The following KDM5A variants were observed in gnomAD, a reference collection of about 807,000 sequenced individuals.
KDM5A encodes the protein lysine demethylase 5A.
A neutral mutation model predicts 193.5 loss-of-function variants in KDM5A; 42 were observed. The observed-to-expected ratio is 0.22, with a 90% CI of 0.17 to 0.28. The LOEUF is 0.28. KDM5A is among the 10% of genes least tolerant of loss of function. The pLI is 1.00. For synonymous variants in KDM5A, 796 were observed against 718.1 expected (o/e 1.11, Z -1.73); for missense variants, 1,692 against 2,055.1 (o/e 0.82, Z 3.42).
Position 318,371 on chromosome 12 carries a change from T to A in KDM5A, c.2632A>T (p.Ile878Leu). 1 of 1,614,186 alleles carries A rather than the reference T, an allele frequency of 6.2e-7. No individual in the cohort carries two copies. The highest frequency in any genetic ancestry group is 8.5e-7 in the Non-Finnish European group (1 of 1,180,012). ...TPDSSKLQMLIDMGSSLYVEL... is the reference protein window; with the variant it reads ...TPDSSKLQMLLDMGSSLYVEL... The stretch of plus-strand genomic sequence containing the variant: ...ACATAGAGACTAGAGCCCATATCTA[T>A]CAACATCTGGAGTTTGGAAGAATCT... The change falls in exon 19 of 28, where the codon ATA (isoleucine) becomes TTA (leucine). Residue 878 changes from isoleucine (I) to leucine (L), a missense_variant. By Grantham distance (5) the Ile-to-Leu change is conservative. Coordinates refer to ENST00000399788, the MANE Select transcript of KDM5A (RefSeq NM_001042603.3).
At chr12:358,018 T>C (rs1450238980) in intron 5 of KDM5A, among the ~76,000 whole-genome samples, 1 of 151,912 alleles carries the variant, frequency 6.6e-6, no homozygotes, top group Non-Finnish European at 1.5e-5. Context: ...CCTTCACCAA[T>C]CCTAGAGCTA....
Position 389,143 on chromosome 12 carries a change from G to A in KDM5A, c.-52C>T, listed in dbSNP as rs1249702587. 6.5e-7 allele frequency: 1 copy of A among 1,544,324 alleles called. No individual in the cohort carries two copies. The highest frequency in any genetic ancestry group is 2.3e-5 in the East Asian group (1 of 44,438). On this transcript the variant is annotated 5_prime_UTR_variant, in exon 1 of 28. Coordinates refer to ENST00000399788, the MANE Select transcript of KDM5A (RefSeq NM_001042603.3). Reference sequence around the variant, plus strand: ...CCCCGTGGGGAACCGGTGGAGAAAAGCTGGCTGAAGCCCACTAAGCCCGTT... The same window carrying A: ...CCCCGTGGGGAACCGGTGGAGAAAAACTGGCTGAAGCCCACTAAGCCCGTT...
chr12:379,174 T>TA (rs144447531), intron 3 of KDM5A, among the ~76,000 whole-genome samples: 42 of 147,654 alleles, frequency 2.8e-4, no homozygotes, highest in Admixed American at 4.7e-4. Flanking sequence ...AAATCATATA[T>TA]AAAAAAAAAA....
chr12:311,713 A>G (rs1591907386), intron 20 of KDM5A, among the ~76,000 whole-genome samples: 1 of 151,736 alleles, frequency 6.6e-6, no homozygotes, highest in Non-Finnish European at 1.5e-5. Flanking sequence ...AGGTCCCAGA[A>G]AAACTCAACA....
At position 307,645 on chromosome 12, in the gene KDM5A, G is replaced by T. The variant is rs955376716; in HGVS notation, c.3739C>A (p.Gln1247Lys). 12 of 1,614,082 alleles carry T rather than the reference G, an allele frequency of 7.4e-6. No homozygotes were observed. The African/African-American group carries it at 1.6e-4, about 22-fold the overall frequency. ...PVRLPEGEAL[Q>K]CLTERAMSWQ... Reference sequence around the variant, plus strand: ...CTCATAGCACGTTCTGTCAAACACTGCAGGGCCTCTCCTTCAGGCAACCGT... The same window carrying T: ...CTCATAGCACGTTCTGTCAAACACTTCAGGGCCTCTCCTTCAGGCAACCGT... Residue 1247 changes from glutamine (Q) to lysine (K), a missense_variant, in exon 23 of 28, where the codon CAG becomes AAG. Gln to Lys is a moderately conservative substitution (Grantham distance 53). Transcript: ENST00000399788. The surrounding 1 kb of genome is among the most constrained non-coding windows in gnomAD (Gnocchi z 4.3).
chr12:351,425 T>C (rs892336438), intron 9 of KDM5A, among the ~76,000 whole-genome samples: 2 of 152,174 alleles, frequency 1.3e-5, no homozygotes, highest in African/African-American at 4.8e-5. Flanking sequence ...TTCCATGGTA[T>C]ATATGTGCCA....
chr12:333,228 G>C, intron 12 of KDM5A: 2 of 481,806 alleles, frequency 4.2e-6, no homozygotes, highest in Non-Finnish European at 3.8e-6. Context: ...AGACCAACCT[G>C]GGCAACACAA....
chr12:318,312 C>T lies in KDM5A; in HGVS notation c.2691G>A (p.Glu897=), dbSNP rs765746979. The T allele has an allele frequency of 6.8e-6, 11 of 1,614,052 alleles. No individual in the cohort carries two copies. The African/African-American group carries it at 1.5e-4, about 22-fold the overall frequency. The stretch of plus-strand genomic sequence containing the variant: ...CGTCCAACCACCGAGCCTGTTGTAG[C>T]TCTTGCTTCAGTCGTGGTAATTCAG... ...ELPELPRLKQ[E]LQQARWLDEV... The change falls in exon 19 of 28, where the codon GAG becomes GAA. Residue 897 remains glutamate, a synonymous_variant. Coordinates refer to ENST00000399788, the MANE Select transcript of KDM5A (RefSeq NM_001042603.3).
chr12:330,673 C>G (rs1359975297), intron 13 of KDM5A, among the ~76,000 whole-genome samples: 3 of 152,216 alleles, frequency 2.0e-5, no homozygotes, highest in African/African-American at 7.2e-5. Context: ...TAAGCCTAGT[C>G]TTGTTCTTGC....
At chr12:342,494 C>T (rs1429564268) in intron 10 of KDM5A, among the ~76,000 whole-genome samples, 1 of 151,966 alleles carries the variant, frequency 6.6e-6, no homozygotes, top group African/African-American at 2.4e-5. Context: ...GAGTCTTGCT[C>T]TGTCGCCCAG....
At chr12:313,535 T>C (rs1943615289) in intron 19 of KDM5A, among the ~76,000 whole-genome samples, 1 of 152,204 alleles carries the variant, frequency 6.6e-6, no homozygotes, top group African/African-American at 2.4e-5. Context: ...CATGATCCTT[T>C]CACTATACTA....
chr12:349,748 C>A (rs1338713802), intron 10 of KDM5A, among the ~76,000 whole-genome samples: 2 of 150,408 alleles, frequency 1.3e-5, no homozygotes, highest in African/African-American at 2.5e-5. Flanking sequence ...TTCTGTCACT[C>A]CTGGCTTCAG....
chr12:375,015 C>T (rs1052459852), intron 3 of KDM5A, among the ~76,000 whole-genome samples: 3 of 152,048 alleles, frequency 2.0e-5, no homozygotes, highest in Admixed American at 6.6e-5. Flanking sequence ...AACATTTTTT[C>T]CTTCATTTCA....
At chr12:305,213 T>C (rs1185021180) in intron 24 of KDM5A, among the ~76,000 whole-genome samples, 1 of 152,054 alleles carries the variant, frequency 6.6e-6, no homozygotes, top group Non-Finnish European at 1.5e-5. Flanking sequence ...GCAACAAAAC[T>C]TGGCCATCTG....
chr12:313,317 G>C lies in KDM5A; in HGVS notation c.2898-123C>G, dbSNP rs1329308724. 4.6e-6 allele frequency: 5 copies of C among 1,087,816 alleles called. No homozygotes were observed. In the Admixed American group the frequency reaches 5.8e-5, roughly 13 times the overall value. The allele number at this position is 1,087,816 out of a possible 1,614,324, so 67.4% of individuals were successfully genotyped here. A position where few individuals can be genotyped will look rare whatever the true frequency, so the allele number is the denominator to read the frequency against. ...GAATTCTTACCACAATCCTATAAGG[G>C]AGGCAAAGCAGCTAGTATCTTTCTT... is the stretch of plus-strand genomic sequence containing the variant. On this transcript the variant is annotated intron_variant, in intron 19 of 27. Transcript: ENST00000399788.
chr12:307,607 T>C lies in KDM5A; in HGVS notation c.3777A>G (p.Arg1259=). The change falls in exon 23 of 28, where the codon AGA becomes AGG. Residue 1259 remains arginine, a synonymous_variant. Transcript: ENST00000399788. The surrounding 1 kb of genome is among the most constrained non-coding windows in gnomAD (Gnocchi z 4.3). ...LTERAMSWQD[R]ARQALATDEL... is the part of the protein sequence containing the mutation. ...CATCTGTGGCTAGAGCCTGCCGCGC[T>C]CTATCTTGCCAACTCATAGCACGTT... The C allele has an allele frequency of 6.2e-7, 1 of 1,614,132 alleles. No individual in the cohort carries two copies. Among genetic ancestry groups the C allele is most frequent in the African/African-American group, 1.3e-5 (1 of 75,016 alleles).
chr12:294,231 T>C (rs1335326032), intron 26 of KDM5A, among the ~76,000 whole-genome samples: 1 of 152,206 alleles, frequency 6.6e-6, no homozygotes, highest in Non-Finnish European at 1.5e-5. Context: ...TTGTTGCTAG[T>C]ATGTGCCAAT....
chr12:284,268 CTA>C lies in KDM5A; in HGVS notation c.*1186_*1187del, dbSNP rs1943190863. Reference sequence around the variant, plus strand: ...TGTATATTAAAAAAGGAAAAATAATCTATGTATAGAACAGTCAGTAGTCAGAG... The same window carrying C: ...TGTATATTAAAAAAGGAAAAATAATCTGTATAGAACAGTCAGTAGTCAGAG... On this transcript the variant is annotated 3_prime_UTR_variant, in exon 28 of 28. Coordinates refer to ENST00000399788, the MANE Select transcript of KDM5A (RefSeq NM_001042603.3). 2.2e-5 allele frequency: 5 copies of C among 226,240 alleles called. No individual in the cohort carries two copies. The highest frequency in any genetic ancestry group is 1.7e-4 in the Admixed American group (3 of 17,466). The allele number at this position is 226,240 out of a possible 1,614,324, so 14.0% of individuals were successfully genotyped here. A position where few individuals can be genotyped will look rare whatever the true frequency, so the allele number is the denominator to read the frequency against.
Position 349,699 on chromosome 12 carries a change from C to CTT in KDM5A, c.1308+920_1308+921dup, listed in dbSNP as rs11452614. The stretch of plus-strand genomic sequence containing the variant: ...TAAAATTTTGAACTAATTAAATTAG[C>CTT]TTTTTTTTTTTTCCTTTTTTTTAAG... On this transcript the variant is annotated intron_variant, in intron 10 of 27. Coordinates refer to ENST00000399788, the MANE Select transcript of KDM5A (RefSeq NM_001042603.3). 6.8e-3 allele frequency among the ~76,000 whole-genome samples: 999 copies of CTT among 147,038 alleles called. 6 individuals are homozygous for CTT. The highest frequency in any genetic ancestry group is 0.019 in the African/African-American group (761 of 40,198).
Sources: gnomAD v4.1 joint callset for allele counts (sites outside exome capture counted in the v4.1 genomes callset) on GRCh38, gnomAD v4.1.1 for gene constraint, Gnocchi (gnomAD v3.1) non-coding constraint, MANE v1.5 for transcripts, NCBI Gene and HGNC (gene_info 2026-07-23, HGNC 2026-07-21) for gene names.